The following UNK variants were observed in gnomAD, a reference collection of about 807,000 sequenced individuals.
UNK encodes RING finger protein unkempt homolog.
Under a neutral mutation model 97.6 loss-of-function variants are expected in UNK, and 32 were observed. The ratio of observed to expected loss-of-function variants is 0.33; its 90% CI spans 0.25 to 0.44. The LOEUF is 0.44. UNK is among the 20% of genes least tolerant of loss of function. The probability of loss-of-function intolerance (pLI) is 1.00; values close to 1 mark genes in which losing one functional copy is unlikely to be tolerated. For missense variants in UNK, 771 were observed against 1,098.4 expected (o/e 0.70, Z 4.21); for synonymous variants, 441 against 461.2 (o/e 0.96, Z 0.56).
intron 1 of UNK, among the ~76,000 whole-genome samples, chr17:75,788,136 A>G (rs1289647876): frequency 1.3e-5 from 2 of 151,944 alleles, no homozygotes; most frequent in African/African-American, 2.4e-5. Flanking sequence ...GAATACAGAG[A>G]TAGACCCCTT....
chr17:75,822,695 C>T lies in UNK; in HGVS notation c.2019+37C>T, dbSNP rs1380849374. The T allele has an allele frequency of 1.9e-6, 3 of 1,553,524 alleles. No homozygotes were observed. The African/African-American group carries it at 4.1e-5, about 21-fold the overall frequency. The stretch of plus-strand genomic sequence containing the variant: ...CGTGCCTGCCGGCCTTCCCCAGTGC[C>T]AGGTGGCATCCAGCCCAAGACCTTC... On this transcript the variant is annotated intron_variant, in intron 14 of 15. Transcript: ENST00000589666.
intron 5 of UNK, 151 bp from the exon 6 acceptor site, chr17:75,813,610 C>G: frequency 1.4e-6 from 1 of 691,440 alleles, no homozygotes; most frequent in South Asian, 1.9e-5. Flanking sequence ...AGAGAAAGAG[C>G]TTGGCTTGTG....
intron 6 of UNK, 23 bp downstream of exon 6, chr17:75,813,901 G>T: frequency 6.5e-7 from 1 of 1,545,962 alleles, no homozygotes; most frequent in East Asian, 2.4e-5. Flanking sequence ...GCAGGGTGGG[G>T]GGGTGGCTTT....
At chr17:75,807,918 T>C (rs2061933761) in intron 1 of UNK, among the ~76,000 whole-genome samples, 1 of 152,194 alleles carries the variant, frequency 6.6e-6, no homozygotes, top group Admixed American at 6.5e-5. Context: ...AGGATAAGTA[T>C]GTCCCATGCA....
intron 1 of UNK, among the ~76,000 whole-genome samples, chr17:75,798,581 G>A (rs969191676): frequency 6.6e-6 from 1 of 152,052 alleles, no homozygotes; most frequent in Non-Finnish European, 1.5e-5. Flanking sequence ...CCTGGCCTCA[G>A]GTGATCCACC....
rs760746787 is a variant in UNK, at chr17:75,816,757, C to T, written c.962-13C>T. On this transcript the variant is annotated splice_polypyrimidine_tract_variant and intron_variant, in intron 7 of 15. Coordinates refer to ENST00000589666, the MANE Select transcript of UNK (RefSeq NM_001080419.3). The surrounding 1 kb of genome is among the most constrained non-coding windows in gnomAD (Gnocchi z 4.0). ...GGCTGGGGCCTGCTGACCCCTGCCC[C>T]TGACTCTTGCAGAGCCACCCCTGAG... 6.3e-7 allele frequency: 1 copy of T among 1,595,326 alleles called. No homozygotes were observed. The highest frequency in any genetic ancestry group is 1.7e-5 in the Admixed American group (1 of 59,780).
chr17:75,799,079 A>C (rs1186714389), intron 1 of UNK, among the ~76,000 whole-genome samples: 1 of 151,868 alleles, frequency 6.6e-6, no homozygotes, highest in Non-Finnish European at 1.5e-5. Flanking sequence ...AACAAAAAAA[A>C]AAAAGAGGGT....
chr17:75,806,102 CAA>C (rs112228363), intron 1 of UNK, among the ~76,000 whole-genome samples: 38 of 68,428 alleles, frequency 5.6e-4, no homozygotes, highest in Admixed American at 1.1e-3. Flanking sequence ...GACTCCGTCT[CAA>C]AAAAAAAAAA....
intron 14 of UNK, 65 bp from the exon 15 acceptor site, chr17:75,823,197 AGAT>A: frequency 6.7e-7 from 1 of 1,501,384 alleles, no homozygotes; most frequent in Non-Finnish European, 8.9e-7. Context: ...GGCCCCCAAA[AGAT>A]GATGCTCTCT....
chr17:75,823,396 G>A lies in UNK; in HGVS notation c.2151G>A (p.Leu717=), dbSNP rs766881223. The A allele has an allele frequency of 6.2e-7, 1 of 1,608,772 alleles. No individual in the cohort carries two copies. Among genetic ancestry groups the A allele is most frequent in the Non-Finnish European group, 8.5e-7 (1 of 1,177,778 alleles). ...AGGTGAAGAAGCTCCAGGAGGAGCT[G>A]GAGCGGCTACACGCGGGGCCTGAGC... ...EVQVKKLQEE[L]ERLHAGPEPQ... is the part of the protein sequence containing the mutation. Residue 717 remains leucine (L), a synonymous_variant, in exon 15 of 16, where the codon CTG becomes CTA. Transcript: ENST00000589666.
chr17:75,817,288 G>A lies in UNK; in HGVS notation c.1105-38G>A. The A allele has an allele frequency of 6.5e-7, 1 of 1,528,874 alleles. No individual in the cohort carries two copies. Among genetic ancestry groups the A allele is most frequent in the East Asian group, 2.3e-5 (1 of 43,974 alleles). The allele number at this position is 1,528,874 out of a possible 1,614,324, so 94.7% of individuals were successfully genotyped here. ...GATGGGCCACGCACCAGCCTGCGCT[G>A]TGCCCACGGGCCCACTCCCTCCCCT... On this transcript the variant is annotated intron_variant, in intron 8 of 15. Coordinates refer to ENST00000589666, the MANE Select transcript of UNK (RefSeq NM_001080419.3). This position sits in a 1 kb window ranked among gnomAD's most constrained non-coding sequence, Gnocchi z 5.8.
chr17:75,814,489 CAA>C (rs59234903), intron 6 of UNK, among the ~76,000 whole-genome samples: 11 of 70,006 alleles, frequency 1.6e-4, no homozygotes, highest in Admixed American at 1.9e-4. Flanking sequence ...GAGACTCCAT[CAA>C]AAAAAAAAAA....
At chr17:75,789,367 G>A (rs56016541) in intron 1 of UNK, among the ~76,000 whole-genome samples, 31,585 of 151,182 alleles carry the variant, frequency 0.21, 3,851 homozygotes, top group African/African-American at 0.34. Context: ...ACCGAGTCTC[G>A]CTCTGTTGCC....
chr17:75,813,334 G>A (rs1156483354), intron 5 of UNK, 121 bp downstream of exon 5: 7 of 1,345,132 alleles, frequency 5.2e-6, no homozygotes, highest in African/African-American at 4.4e-5. Flanking sequence ...TGACAGGATC[G>A]CAAGCCCAGG....
Position 75,817,008 on chromosome 17 carries a change from TG to T in UNK, c.1104+98del. 3.4e-6 allele frequency: 5 copies of T among 1,459,138 alleles called. No homozygotes were observed. Among genetic ancestry groups the T allele is most frequent in the Non-Finnish European group, 4.5e-6 (5 of 1,099,252 alleles). 90.4% of individuals were successfully genotyped at this position (1,459,138 alleles called of 1,614,324 possible). A position where few individuals can be genotyped will look rare whatever the true frequency, so the allele number is the denominator to read the frequency against. ...TCAGCCTGGGCTTGGGAGACCATCC[TG>T]GTATTTGTCCTCAGGCCAGGGGGAT... On this transcript the variant is annotated intron_variant, in intron 8 of 15. Coordinates refer to ENST00000589666, the MANE Select transcript of UNK (RefSeq NM_001080419.3). This position sits in a 1 kb window ranked among gnomAD's most constrained non-coding sequence, Gnocchi z 5.8.
intron 15 of UNK, among the ~76,000 whole-genome samples, chr17:75,823,957 G>C (rs992967735): frequency 6.6e-6 from 1 of 152,200 alleles, no homozygotes; most frequent in Non-Finnish European, 1.5e-5. Context: ...CCAAGCCCCC[G>C]GGTGTGGCCC....
chr17:75,785,057 G>C (rs981578709), intron 1 of UNK, 73 bp downstream of exon 1: 1 of 1,142,408 alleles, frequency 8.8e-7, no homozygotes, highest in African/African-American at 1.7e-5. Context: ...CACGCGCGCA[G>C]GGAGAGCGCG....
chr17:75,824,227 C>G lies in UNK; in HGVS notation c.2278-35C>G. Reference sequence around the variant, plus strand: ...TCCTCGCTCAACTTGGGGCCAGACCCATGGATGGTGACCACGATGCCCCTT... The same window carrying G: ...TCCTCGCTCAACTTGGGGCCAGACCGATGGATGGTGACCACGATGCCCCTT... On this transcript the variant is annotated intron_variant, in intron 15 of 15. Transcript: ENST00000589666. This position sits in a 1 kb window ranked among gnomAD's most constrained non-coding sequence, Gnocchi z 4.9. The G allele has an allele frequency of 6.4e-7, 1 of 1,558,212 alleles. No homozygotes were observed. The highest frequency in any genetic ancestry group is 8.7e-7 in the Non-Finnish European group (1 of 1,148,654).
At chr17:75,820,666 C>T (rs2062059063) in intron 13 of UNK, among the ~76,000 whole-genome samples, 1 of 152,176 alleles carries the variant, frequency 6.6e-6, no homozygotes, top group South Asian at 2.1e-4. Context: ...GAGGGCACTT[C>T]AAGGTTTAGT....
Sources: gnomAD v4.1 joint callset for allele counts (sites outside exome capture counted in the v4.1 genomes callset) on GRCh38, gnomAD v4.1.1 for gene constraint, Gnocchi (gnomAD v3.1) non-coding constraint, MANE v1.5 for transcripts, NCBI Gene and HGNC (gene_info 2026-07-23, HGNC 2026-07-21) for gene names.